The following MSH6 variants were observed in gnomAD, a reference collection of about 807,000 sequenced individuals.
MSH6 encodes the protein mutS homolog 6.
MSH6 carries 85 observed loss-of-function variants against 119.1 expected under a neutral mutation model. That is an observed-to-expected ratio of 0.71 (90% confidence interval 0.60 to 0.85). The LOEUF (loss-of-function observed/expected upper bound fraction) is 0.85. MSH6 is among the 40% of genes least tolerant of loss of function. The probability of loss-of-function intolerance (pLI) is 0.00; values close to 1 mark genes in which losing one functional copy is unlikely to be tolerated. For synonymous variants in MSH6, 830 were observed against 586.9 expected (o/e 1.41, Z -5.99); for missense variants, 2,163 against 1,655.3 (o/e 1.31, Z -5.32).
rs863224333 is a variant in MSH6, at chr2:47,805,037, T to C, written c.3556+10T>C. ...GACAGAATAATGTCAGGTGAGTTTT[T>C]TGTTTCCCACTTAAGTTCTCATTCA... On this transcript the variant is annotated intron_variant, in intron 6 of 9. Transcript: ENST00000234420. 3 of 1,576,560 alleles carry C rather than the reference T, an allele frequency of 1.9e-6. No individual in the cohort carries two copies. Among genetic ancestry groups the C allele is most frequent in the African/African-American group, 1.3e-5 (1 of 74,194 alleles).
chr2:47,805,640 A>G lies in MSH6; in HGVS notation c.3579A>G (p.Glu1193=), dbSNP rs1060504759. 1.2e-6 allele frequency: 2 copies of G among 1,613,144 alleles called. No homozygotes were observed. The highest frequency in any genetic ancestry group is 1.7e-6 in the Non-Finnish European group (2 of 1,179,434). ...IMSGESTFFV[E]LSETASILMH... is the part of the protein sequence containing the mutation. ...AAGGTGAAAGTACATTTTTTGTTGA[A>G]TTAAGTGAAACTGCCAGCATACTCA... Residue 1193 remains glutamate, a synonymous_variant, in exon 7 of 10, where the codon GAA becomes GAG. Transcript: ENST00000234420.
At position 47,791,089 on chromosome 2, in the gene MSH6, C is replaced by T. The variant is rs777587467; in HGVS notation, c.423C>T (p.Gly141=). The part of the protein sequence containing the change: ...VQFFDDSPTR[G]WVSKRLLKPY... ...TTTTTGATGACAGCCCAACAAGGGG[C>T]TGGGTTAGCAAAAGGCTTTTAAAGC... Residue 141 remains glycine (G), a synonymous_variant, in exon 2 of 10, where the codon GGC becomes GGT. Transcript: ENST00000234420. 1.9e-6 allele frequency: 3 copies of T among 1,614,142 alleles called. No individual in the cohort carries two copies. The South Asian group carries it at 3.3e-5, about 18-fold the overall frequency.
chr2:47,805,614 T>A lies in MSH6; in HGVS notation c.3557-4T>A, dbSNP rs1553332598. On this transcript the variant is annotated splice_polypyrimidine_tract_variant and splice_region_variant and intron_variant, in intron 6 of 9. Transcript: ENST00000234420. ...TATTCATTTGTGATTTTTTTTTTTT[T>A]AAGGTGAAAGTACATTTTTTGTTGA... The A allele has an allele frequency of 4.4e-6, 7 of 1,598,036 alleles. No homozygotes were observed. The highest frequency in any genetic ancestry group is 6.0e-6 in the Non-Finnish European group (7 of 1,166,070).
chr2:47,808,999 A>C, downstream of MSH6: 1 of 533,106 alleles, frequency 1.9e-6, no homozygotes, highest in African/African-American at 2.0e-5. Context: ...GCCTACCCAC[A>C]GTTACAGTCT....
At chr2:47,791,427 A>G (rs920438133) in intron 2 of MSH6, among the ~76,000 whole-genome samples, 2 of 152,168 alleles carry the variant, frequency 1.3e-5, no homozygotes, top group African/African-American at 2.4e-5. Flanking sequence ...AGAGAAAGTT[A>G]ATGTCATCAG....
downstream of MSH6, chr2:47,808,276 A>G: frequency 1.2e-6 from 2 of 1,612,804 alleles, no homozygotes; most frequent in South Asian, 1.1e-5. Context: ...CAAATATTAG[A>G]AAAGTGAGGG....
At chr2:47,809,056 A>AGTTAGTTCAGT (rs1407910342), downstream of MSH6, 22 of 667,370 alleles carry the variant, frequency 3.3e-5, no homozygotes, top group Non-Finnish European at 5.7e-5. Flanking sequence ...TCAGTTAGTT[A>AGTTAGTTCAGT]TAGTCTCAAC....
chr2:47,786,627 C>G (rs1668368447), intron 1 of MSH6, among the ~76,000 whole-genome samples: 1 of 152,208 alleles, frequency 6.6e-6, no homozygotes, highest in Admixed American at 6.5e-5. Flanking sequence ...AACCACCGCA[C>G]CTGGCCGTGA....
intron 2 of MSH6, among the ~76,000 whole-genome samples, chr2:47,793,562 G>A (rs3136297): frequency 4.4e-4 from 67 of 151,066 alleles, no homozygotes; most frequent in African/African-American, 1.5e-3. Context: ...AGCCGAGATC[G>A]CGCCACTGCA....
chr2:47,791,977 G>C (rs563154966), intron 2 of MSH6, among the ~76,000 whole-genome samples: 1 of 152,144 alleles, frequency 6.6e-6, no homozygotes, highest in Admixed American at 6.5e-5. Flanking sequence ...CTCTAAAGTA[G>C]CTGGGATTAC....
intron 2 of MSH6, among the ~76,000 whole-genome samples, chr2:47,795,181 C>G (rs565146122): frequency 2.0e-5 from 3 of 152,178 alleles, no homozygotes; most frequent in African/African-American, 7.2e-5. Context: ...GGCTGTAGAC[C>G]CAGGTCATTA....
Position 47,800,648 on chromosome 2 carries a change from C to T in MSH6, c.2665C>T (p.Gln889Ter), listed in dbSNP as rs1558666177. ...ADGFKSKILK[Q>*]VISLQTKNPE... ...TGGTTTTAAGTCTAAAATCCTTAAG[C>T]AGGTCATCTCTCTGCAGACAAAAAA... The change falls in exon 4 of 10, where the codon CAG (glutamine) becomes TAG (stop). Residue 889 changes from glutamine (Q) to a stop codon, truncating the protein, a stop_gained. Transcript: ENST00000234420. LOFTEE classifies it high-confidence loss of function. The T allele has an allele frequency of 1.2e-6, 2 of 1,614,182 alleles. No individual in the cohort carries two copies. The highest frequency in any genetic ancestry group is 1.7e-6 in the Non-Finnish European group (2 of 1,180,030).
chr2:47,791,528 G>C (rs1171745686), intron 2 of MSH6, among the ~76,000 whole-genome samples: 1 of 152,084 alleles, frequency 6.6e-6, no homozygotes, highest in Non-Finnish European at 1.5e-5. Flanking sequence ...GAACACATCT[G>C]AGTTGAGTTT....
At chr2:47,808,866 T>C, downstream of MSH6, 2 of 285,658 alleles carry the variant, frequency 7.0e-6, no homozygotes, top group Non-Finnish European at 1.3e-5. Flanking sequence ...GTTATGGTCT[T>C]TGTTTTGTTT....
chr2:47,783,611 G>A (rs959164336), intron 1 of MSH6, 118 bp downstream of exon 1: 20 of 1,095,136 alleles, frequency 1.8e-5, no homozygotes, highest in Non-Finnish European at 2.3e-5. Context: ...TGGGCTCGGA[G>A]GAGGCGGGGC....
intron 1 of MSH6, among the ~76,000 whole-genome samples, chr2:47,787,358 C>G (rs983822748): frequency 6.6e-6 from 1 of 152,138 alleles, no homozygotes; most frequent in African/African-American, 2.4e-5. Context: ...TAATTGACAT[C>G]AAAATTATGG....
intron 2 of MSH6, among the ~76,000 whole-genome samples, chr2:47,793,951 C>G (rs1572713329): frequency 6.6e-6 from 1 of 151,524 alleles, no homozygotes; most frequent in African/African-American, 2.4e-5. Context: ...AGGCTGGTCT[C>G]AAACTCCTGA....
chr2:47,785,050 CTGACCTCT>C (rs2103972803), intron 1 of MSH6: 1 of 151,906 alleles, frequency 6.6e-6, no homozygotes, highest in South Asian at 2.1e-4. Flanking sequence ...TATCGAACTC[CTGACCTCT>C]TGATCGGCCC....
chr2:47,793,318 C>CTCAAAAAAAAAAA lies in MSH6; in HGVS notation c.457+2195_457+2196insTCAAAAAAAAAAA, dbSNP rs1441753856. On this transcript the variant is annotated intron_variant, in intron 2 of 9. Transcript: ENST00000234420. Reference sequence around the variant, plus strand: ...CCTGGGTGACAGAGCGAGACTGTCTCAAAAAAAAAAAAAAAAAAAAAAAAA... The same window carrying CTCAAAAAAAAAAA: ...CCTGGGTGACAGAGCGAGACTGTCTCTCAAAAAAAAAAAAAAAAAAAAAAAAAAAAAAAAAAAA... Among the ~76,000 whole-genome samples the CTCAAAAAAAAAAA allele has an allele frequency of 5.5e-4, 27 of 48,808 alleles. 3 individuals are homozygous for CTCAAAAAAAAAAA. The highest frequency in any genetic ancestry group is 1.1e-3 in the Admixed American group (3 of 2,798). 32.0% of individuals were successfully genotyped at this position (48,808 alleles called of 152,430 possible).
Sources: gnomAD v4.1 joint callset for allele counts (sites outside exome capture counted in the v4.1 genomes callset) on GRCh38, gnomAD v4.1.1 for gene constraint, MANE v1.5 for transcripts, NCBI Gene and HGNC (gene_info 2026-07-23, HGNC 2026-07-21) for gene names.